MEGF11: variants seen among roughly 807,000 people sequenced by gnomAD.
The protein encoded by MEGF11 is multiple EGF like domains 11.
MEGF11 carries 126 observed loss-of-function variants against 146.6 expected under a neutral mutation model. The observed-to-expected ratio is 0.86, with a 90% CI of 0.74 to 1.00. The LOEUF (loss-of-function observed/expected upper bound fraction) is 1.00, where lower values mean the gene tolerates loss of function less well. Among genes scored for constraint, MEGF11 ranks in the 50% least tolerant of loss-of-function variants. The pLI is 0.00. For synonymous variants in MEGF11, 532 were observed against 583.4 expected, an observed-to-expected ratio of 0.91 and a Z score of 1.27; for missense variants, 1,509 against 1,521.2, an observed-to-expected ratio of 0.99 and a Z score of 0.13.
Position 66,091,330 on chromosome 15 carries a change from C to T in MEGF11, c.394+3072G>A, listed in dbSNP as rs77407740. ...TGCGTCCCATGGCCGACTCCTCTAT[C>T]TCCACAGCAATATCTCAGGGCCACA... On this transcript the variant is annotated intron_variant, in intron 5 of 25. Transcript: ENST00000395614. Among the ~76,000 whole-genome samples the T allele has an allele frequency of 6.8e-4, 103 of 152,354 alleles. 2 individuals carry two copies. The East Asian group carries it at 0.015, about 23-fold the overall frequency.
intron 1 of MEGF11, among the ~76,000 whole-genome samples, chr15:66,166,230 G>T (rs916849794): frequency 6.6e-6 from 1 of 152,084 alleles, no homozygotes; most frequent in Admixed American, 6.6e-5. Context: ...CCGCCATGGG[G>T]AGCTCACCAC....
intron 1 of MEGF11, among the ~76,000 whole-genome samples, chr15:66,197,653 A>G (rs1386090429): frequency 6.6e-6 from 1 of 151,870 alleles, no homozygotes. Context: ...CAATCTCCTG[A>G]CCTCGTGATC....
intron 1 of MEGF11, among the ~76,000 whole-genome samples, chr15:66,142,834 C>T (rs1438884861): frequency 2.0e-5 from 3 of 152,206 alleles, no homozygotes; most frequent in East Asian, 3.8e-4. Flanking sequence ...CAGGTGGTCT[C>T]GCTTGAGAAG....
chr15:66,211,629 C>T (rs1331786481), intron 1 of MEGF11, among the ~76,000 whole-genome samples: 1 of 151,668 alleles, frequency 6.6e-6, no homozygotes, highest in African/African-American at 2.4e-5. Flanking sequence ...TGCTCCCAGG[C>T]AGAGGTGGGA....
intron 10 of MEGF11, among the ~76,000 whole-genome samples, chr15:65,945,372 G>C (rs916272882): frequency 2.0e-5 from 3 of 152,160 alleles, no homozygotes; most frequent in African/African-American, 7.2e-5. Context: ...CTTCCCTGCA[G>C]GGCAGACCTG....
At chr15:66,237,769 A>G (rs1242742104) in intron 1 of MEGF11, among the ~76,000 whole-genome samples, 2 of 152,300 alleles carry the variant, frequency 1.3e-5, no homozygotes, top group African/African-American at 2.4e-5. Context: ...GCCCCTTCCC[A>G]TGGATGGCCA....
intron 5 of MEGF11, among the ~76,000 whole-genome samples, chr15:66,026,649 ATT>A (rs879383425): frequency 6.9e-6 from 1 of 144,708 alleles, no homozygotes. Flanking sequence ...ACACCCAGCT[ATT>A]TTTTTTTTTT....
At chr15:66,015,840 C>T (rs2082866945) in intron 5 of MEGF11, among the ~76,000 whole-genome samples, 1 of 151,848 alleles carries the variant, frequency 6.6e-6, no homozygotes, top group African/African-American at 2.4e-5. Flanking sequence ...TTCCACCTTT[C>T]CCAGCCCTGA....
intron 1 of MEGF11, among the ~76,000 whole-genome samples, chr15:66,161,244 G>T (rs148634635): frequency 1.5e-3 from 229 of 152,310 alleles, no homozygotes; most frequent in Middle Eastern, 3.4e-3. Flanking sequence ...TAATAGCGAT[G>T]AATGTAAGGG....
chr15:66,212,212 C>CAA, intron 1 of MEGF11, among the ~76,000 whole-genome samples: 1 of 152,126 alleles, frequency 6.6e-6, no homozygotes, highest in South Asian at 2.1e-4. Flanking sequence ...CAACAAGGGA[C>CAA]GGGTGTCAGG....
intron 5 of MEGF11, among the ~76,000 whole-genome samples, chr15:66,014,310 C>T (rs2082808892): frequency 6.6e-6 from 1 of 152,138 alleles, no homozygotes; most frequent in African/African-American, 2.4e-5. Flanking sequence ...ACCGTATTTC[C>T]AAATAAGGTC....
rs1417477674 is a variant in MEGF11, at chr15:65,982,320, G to A, written c.563C>T (p.Pro188Leu). The change falls in exon 6 of 26, where the codon CCG (proline) becomes CTG (leucine). Residue 188 changes from proline to leucine, a missense_variant. By Grantham distance (98) the Pro-to-Leu change is moderately conservative (BLOSUM62 -3). Coordinates refer to ENST00000395614, the MANE Select transcript of MEGF11 (RefSeq NM_001385028.1). The surrounding 1 kb of genome is among the most constrained non-coding windows in gnomAD (Gnocchi z 5.6). ...GCTGGCACCGTGTCGGCACTGGCAC[G>A]GCAGCTGGCATCCCTTGCCGTGGGT... ...PGTHGKGCQL[P>L]CQCRHGASCD... is the part of the protein sequence containing the mutation. 41 of 1,530,734 alleles carry A rather than the reference G, an allele frequency of 2.7e-5. No homozygotes were observed. The highest frequency in any genetic ancestry group is 3.5e-5 in the Non-Finnish European group (40 of 1,139,398). 94.8% of individuals were successfully genotyped at this position (1,530,734 alleles called of 1,614,324 possible).
At chr15:66,135,207 C>T (rs2088836203) in intron 1 of MEGF11, among the ~76,000 whole-genome samples, 1 of 152,144 alleles carries the variant, frequency 6.6e-6, no homozygotes, top group Non-Finnish European at 1.5e-5. Flanking sequence ...CTCAAAGACT[C>T]TTCTAACTCT....
At chr15:65,991,219 T>C (rs2082034200) in intron 5 of MEGF11, among the ~76,000 whole-genome samples, 1 of 151,920 alleles carries the variant, frequency 6.6e-6, no homozygotes, top group African/African-American at 2.4e-5. Context: ...GATGGAGGAG[T>C]GAGCACACGC....
intron 13 of MEGF11, among the ~76,000 whole-genome samples, chr15:65,923,409 G>A (rs976446774): frequency 1.1e-4 from 16 of 152,162 alleles, no homozygotes; most frequent in Non-Finnish European, 2.2e-4. Context: ...TGCCAGCTGG[G>A]AGTGAGCCAT....
chr15:66,014,137 G>A (rs1344351186), intron 5 of MEGF11, among the ~76,000 whole-genome samples: 2 of 152,226 alleles, frequency 1.3e-5, no homozygotes, highest in African/African-American at 4.8e-5. Flanking sequence ...AAAGGCAGTA[G>A]TGATGGGGAT....
At chr15:66,216,067 C>T (rs139742067) in intron 1 of MEGF11, among the ~76,000 whole-genome samples, 23 of 152,200 alleles carry the variant, frequency 1.5e-4, no homozygotes, top group African/African-American at 4.3e-4. Context: ...GCAGAACAGG[C>T]GCTCAGGCTG....
intron 2 of MEGF11, among the ~76,000 whole-genome samples, chr15:66,124,518 T>C (rs528339382): frequency 9.5e-4 from 144 of 152,356 alleles, no homozygotes; most frequent in Middle Eastern, 3.4e-3. Flanking sequence ...TCGAGCACCC[T>C]GTGTCAAGTG....
In MEGF11 at chr15:65,913,868, A is replaced by G; in HGVS notation, c.2579T>C (p.Phe860Ser). ...TAGGCCCAGCAGCACCACAATGAGG[A>G]ATAACAGGAGCATGATGCCTGTGAC... ...GAVTGIMLLLFLIVVLLGLFA... is the reference protein window; with the variant it reads ...GAVTGIMLLLSLIVVLLGLFA... Residue 860 changes from phenylalanine (F) to serine (S), a missense_variant, in exon 20 of 26, where the codon TTC becomes TCC. Coordinates refer to ENST00000395614, the MANE Select transcript of MEGF11 (RefSeq NM_001385028.1). The G allele has an allele frequency of 6.2e-7, 1 of 1,614,034 alleles. No individual in the cohort carries two copies. The highest frequency in any genetic ancestry group is 1.3e-5 in the African/African-American group (1 of 75,066).
Sources: gnomAD v4.1 joint callset for allele counts (sites outside exome capture counted in the v4.1 genomes callset) on GRCh38, gnomAD v4.1.1 for gene constraint, Gnocchi (gnomAD v3.1) non-coding constraint, MANE v1.5 for transcripts, NCBI Gene and HGNC (gene_info 2026-07-23, HGNC 2026-07-21) for gene names.